Variants in ASAP1 observed in about 807,000 individuals in gnomAD.
ASAP1 encodes arf-GAP with SH3 domain, ANK repeat and PH domain-containing protein 1.
ASAP1 carries 43 observed loss-of-function variants against 145.2 expected under a neutral mutation model. The ratio of observed to expected loss-of-function variants is 0.30; its 90% CI spans 0.23 to 0.38. ASAP1 has a LOEUF of 0.38. ASAP1 is among the 10% of genes least tolerant of loss of function. The pLI is 1.00. For synonymous variants in ASAP1, 546 were observed against 515.5 expected (o/e 1.06, Z -0.80); for missense variants, 1,018 against 1,355.3 (o/e 0.75, Z 3.91).
chr8:130,127,166 T>G (rs1029388549), intron 16 of ASAP1, among the ~76,000 whole-genome samples: 1 of 152,112 alleles, frequency 6.6e-6, no homozygotes, highest in Non-Finnish European at 1.5e-5. Context: ...TGTGGCTGAG[T>G]AGGAAGGAAG....
chr8:130,362,572 A>G (rs2138205718), intron 2 of ASAP1, among the ~76,000 whole-genome samples: 1 of 152,366 alleles, frequency 6.6e-6, no homozygotes, highest in South Asian at 2.1e-4. Flanking sequence ...AAAGATGACT[A>G]TAAATACATC....
intron 3 of ASAP1, among the ~76,000 whole-genome samples, chr8:130,291,968 A>C (rs1450823690): frequency 1.3e-5 from 2 of 152,126 alleles, no homozygotes; most frequent in Non-Finnish European, 2.9e-5. Context: ...GAGGGACCAG[A>C]CCATCCTCAA....
At chr8:130,402,201 C>A (rs1322394230) in intron 1 of ASAP1, among the ~76,000 whole-genome samples, 2 of 152,162 alleles carry the variant, frequency 1.3e-5, no homozygotes, top group East Asian at 1.9e-4. Context: ...GCTCAGGAAT[C>A]CTTCTGGCAT....
At chr8:130,393,052 G>A (rs1565277478) in intron 2 of ASAP1, among the ~76,000 whole-genome samples, 1 of 152,078 alleles carries the variant, frequency 6.6e-6, no homozygotes, top group Non-Finnish European at 1.5e-5. Flanking sequence ...TATTATGAGT[G>A]TTCTCATAAC....
chr8:130,296,326 T>C (rs1261256163), intron 3 of ASAP1, among the ~76,000 whole-genome samples: 4 of 152,188 alleles, frequency 2.6e-5, no homozygotes, highest in African/African-American at 9.7e-5. Context: ...ACAGGTATTC[T>C]CTGTTCATGA....
intron 1 of ASAP1, among the ~76,000 whole-genome samples, chr8:130,436,461 A>T (rs769050214): frequency 6.6e-6 from 1 of 152,050 alleles, no homozygotes; most frequent in Non-Finnish European, 1.5e-5. Context: ...ATGTCTGGCT[A>T]ATTTTTGTTA....
intron 2 of ASAP1, among the ~76,000 whole-genome samples, chr8:130,385,531 G>A (rs1298430520): frequency 6.6e-6 from 1 of 152,222 alleles, no homozygotes; most frequent in South Asian, 2.1e-4. Flanking sequence ...GCCCAAGAGA[G>A]TCTCAGCTTT....
At chr8:130,346,545 C>T (rs1825713287) in intron 3 of ASAP1, among the ~76,000 whole-genome samples, 1 of 152,170 alleles carries the variant, frequency 6.6e-6, no homozygotes, top group Non-Finnish European at 1.5e-5. Context: ...GAAGAAACAG[C>T]ACCCACCCCA....
chr8:130,346,738 G>A (rs961257795), intron 3 of ASAP1, among the ~76,000 whole-genome samples: 1 of 145,242 alleles, frequency 6.9e-6, no homozygotes, highest in African/African-American at 2.6e-5. Context: ...TTATTGGGAG[G>A]CAGTGTATTC....
intron 9 of ASAP1, among the ~76,000 whole-genome samples, chr8:130,175,199 C>T (rs1004001564): frequency 2.0e-5 from 3 of 152,050 alleles, no homozygotes; most frequent in African/African-American, 4.8e-5. Flanking sequence ...CACCTTTTCA[C>T]GTGTTTTTCT....
At position 130,188,192 on chromosome 8, in the gene ASAP1, G is replaced by A; in HGVS notation, c.406-9C>T. The A allele has an allele frequency of 6.2e-7, 1 of 1,610,178 alleles. No individual in the cohort carries two copies. The highest frequency in any genetic ancestry group is 8.5e-7 in the Non-Finnish European group (1 of 1,176,678). ...TGGCTCAAACCCTGGAGCTGAAAAA[G>A]CAAAGGGAAGATGGGAGATGGTTAA... On this transcript the variant is annotated splice_polypyrimidine_tract_variant and intron_variant, in intron 5 of 29. Transcript: ENST00000518721.
intron 27 of ASAP1, among the ~76,000 whole-genome samples, chr8:130,062,198 T>C (rs1038071206): frequency 1.3e-5 from 2 of 152,234 alleles, no homozygotes; most frequent in African/African-American, 2.4e-5. Flanking sequence ...GCCAAGGACA[T>C]AGCCTGCACT....
chr8:130,057,974 C>G lies in ASAP1; in HGVS notation c.3295G>C (p.Glu1099Gln), dbSNP rs202053207. The change falls in exon 29 of 30, where the codon GAA becomes CAA. Residue 1099 changes from glutamate to glutamine, a missense_variant. Glu to Gln is a conservative substitution (Grantham distance 29). Around this residue, in one of 9 missense-constraint regions of ASAP1, gnomAD observed 62 missense variants for 97.8 expected, o/e 0.63. Transcript: ENST00000518721. ...CGTACCCACCACTCCTGGTCCTCTT[C>G]CCCTGTGACGATAATCACTTCTCCC... ...IEGEVIIVTG[E>Q]EDQEWWIGHI... 3.3e-5 allele frequency: 54 copies of G among 1,614,118 alleles called. No individual in the cohort carries two copies. The highest frequency in any genetic ancestry group is 4.3e-5 in the Non-Finnish European group (51 of 1,180,046).
rs117589381 is a variant in ASAP1, at chr8:130,294,457, C to T, written c.187-57463G>A. Among the ~76,000 whole-genome samples, 87 of 152,342 alleles carry T rather than the reference C, an allele frequency of 5.7e-4. 2 individuals carry two copies. The East Asian group carries it at 0.017, about 29-fold the overall frequency. ...TAGAAATAACATGAGCTGGACAGAC[C>T]TGGGTTTGAATCCCAGATCGACTAC... On this transcript the variant is annotated intron_variant, in intron 3 of 29. Transcript: ENST00000518721.
chr8:130,426,689 C>G (rs939585558), intron 1 of ASAP1, among the ~76,000 whole-genome samples: 3 of 152,190 alleles, frequency 2.0e-5, no homozygotes, highest in Non-Finnish European at 4.4e-5. Flanking sequence ...TCGTTTCTCC[C>G]CAAACTGCCG....
At chr8:130,257,720 C>G (rs1043968377) in intron 3 of ASAP1, among the ~76,000 whole-genome samples, 1 of 151,574 alleles carries the variant, frequency 6.6e-6, no homozygotes, top group African/African-American at 2.4e-5. Flanking sequence ...AAATTCATTA[C>G]ATTTCTGTTT....
chr8:130,154,037 TAAAAATTA>T (rs1477834057), intron 12 of ASAP1, among the ~76,000 whole-genome samples: 2 of 151,872 alleles, frequency 1.3e-5, no homozygotes, highest in Admixed American at 1.3e-4. Flanking sequence ...CTACAAAAAA[TAAAAATTA>T]AAGTTAAGAA....
intron 4 of ASAP1, among the ~76,000 whole-genome samples, chr8:130,226,051 T>C (rs957287018): frequency 6.6e-6 from 1 of 151,804 alleles, no homozygotes; most frequent in African/African-American, 2.4e-5. Flanking sequence ...GGCTTTTTTT[T>C]TTTTTTTTAA....
chr8:130,176,626 C>T (rs997368153), intron 9 of ASAP1, among the ~76,000 whole-genome samples: 2 of 152,014 alleles, frequency 1.3e-5, no homozygotes, highest in African/African-American at 4.8e-5. Flanking sequence ...ACAAGTCCCA[C>T]CACCTCCTTC....
Sources: allele counts gnomAD v4.1 joint callset (sites outside exome capture counted in the v4.1 genomes callset), GRCh38; gene constraint gnomAD v4.1.1; regional missense constraint gnomAD v4.1.1; transcripts MANE v1.5; gene names NCBI Gene and HGNC (gene_info 2026-07-23, HGNC 2026-07-21).